The following RIC1 variants were observed in gnomAD, a reference collection of about 807,000 sequenced individuals.
RIC1 encodes the protein guanine nucleotide exchange factor subunit RIC1.
Under a neutral mutation model 169.0 loss-of-function variants are expected in RIC1, and 88 were observed. That is an observed-to-expected ratio of 0.52 (90% CI 0.44 to 0.62). The LOEUF is 0.62. RIC1 is among the 20% of genes least tolerant of loss of function. The pLI is 0.00. For missense variants in RIC1, 1,877 were observed against 1,725.5 expected, an observed-to-expected ratio of 1.09 and a Z score of -1.56; for synonymous variants, 790 against 601.5, an observed-to-expected ratio of 1.31 and a Z score of -4.59.
At chr9:5,726,325 A>T (rs36154376) in intron 6 of RIC1, among the ~76,000 whole-genome samples, 2,970 of 152,082 alleles carry the variant, frequency 0.02, 35 homozygotes, top group Non-Finnish European at 0.024. Context: ...CTTTGTCTCT[A>T]TTGATCTTTG....
intron 12 of RIC1, among the ~76,000 whole-genome samples, chr9:5,751,425 G>T (rs527449993): frequency 1.3e-5 from 2 of 151,774 alleles, no homozygotes; most frequent in African/African-American, 4.9e-5. Context: ...GTGCAATCTC[G>T]GCTCACTGCA....
intron 3 of RIC1, among the ~76,000 whole-genome samples, chr9:5,691,704 G>A (rs140783841): frequency 6.6e-6 from 1 of 151,882 alleles, no homozygotes; most frequent in East Asian, 1.9e-4. Context: ...AGATTTACTG[G>A]TGCATTTTAA....
downstream of RIC1, among the ~76,000 whole-genome samples, chr9:5,776,975 A>AAATGGAAACATAG (rs1327272588): frequency 6.6e-6 from 1 of 152,144 alleles, no homozygotes; most frequent in Admixed American, 6.5e-5. Flanking sequence ...CATTTCATAT[A>AAATGGAAACATAG]AATGGAAACA....
At chr9:5,639,219 A>G (rs1326909518) in intron 1 of RIC1, among the ~76,000 whole-genome samples, 4 of 152,034 alleles carry the variant, frequency 2.6e-5, no homozygotes, top group Non-Finnish European at 4.4e-5. Context: ...TTCTTCTTTT[A>G]TGGTGTAATA....
At position 5,765,425 on chromosome 9, in the gene RIC1, C is replaced by T. The variant is rs151024124; in HGVS notation, c.2853C>T (p.Val951=). 4 of 1,613,204 alleles carry T rather than the reference C, an allele frequency of 2.5e-6. No homozygotes were observed. The African/African-American group carries it at 4.0e-5, about 16-fold the overall frequency. ...SYLIILQNME[V]PAVSRQHATL... ...GTTGTTTTTTGTAGAATATGGAAGT[C>T]CCTGCAGTAAGTAGGCAACATGCTA... is the stretch of plus-strand genomic sequence containing the variant. Residue 951 remains valine (V), a synonymous_variant, in exon 20 of 26, where the codon GTC becomes GTT. Coordinates refer to ENST00000414202, the MANE Select transcript of RIC1 (RefSeq NM_020829.4).
chr9:5,630,604 T>C (rs1460428570), intron 1 of RIC1, among the ~76,000 whole-genome samples: 6 of 152,230 alleles, frequency 3.9e-5, no homozygotes, highest in African/African-American at 1.4e-4. Context: ...ACTGTCATAG[T>C]TGGGCTGTAA....
chr9:5,657,559 T>C lies in RIC1; in HGVS notation c.252+869T>C, dbSNP rs570279089. On this transcript the variant is annotated intron_variant, in intron 2 of 25. Coordinates refer to ENST00000414202, the MANE Select transcript of RIC1 (RefSeq NM_020829.4). ...CTTATCCAAGGTTACATGCGTAGTG[T>C]ATATTAGAGAGATAAGGTATAAACT... Among the ~76,000 whole-genome samples the C allele has an allele frequency of 2.6e-4, 40 of 152,276 alleles. 1 individual carries two copies. In the South Asian group the frequency reaches 8.3e-3, roughly 32 times the overall value.
At chr9:5,656,794 A>C (rs954709310) in intron 2 of RIC1, 104 bp downstream of exon 2, 17 of 663,944 alleles carry the variant, frequency 2.6e-5, no homozygotes, top group Non-Finnish European at 3.7e-5. Flanking sequence ...TGCACTCATA[A>C]GTATTTATTT....
At chr9:5,636,834 G>T (rs951476931) in intron 1 of RIC1, among the ~76,000 whole-genome samples, 1 of 151,882 alleles carries the variant, frequency 6.6e-6, no homozygotes, top group Non-Finnish European at 1.5e-5. Flanking sequence ...CGTAAGTTTT[G>T]CACTTATGCT....
chr9:5,773,818 C>T, intron 25 of RIC1, 140 bp from the exon 26 acceptor site: 1 of 750,516 alleles, frequency 1.3e-6, no homozygotes, highest in South Asian at 2.3e-5. Context: ...CCTTTCCTCC[C>T]TACCTTCTTT....
rs1275567083 is a variant in RIC1 at position 5,774,869 on chromosome 9, C to T, written c.*623C>T. 1 of 152,226 alleles carries T rather than the reference C, an allele frequency of 6.6e-6. No homozygotes were observed. Among genetic ancestry groups the T allele is most frequent in the Non-Finnish European group, 1.5e-5 (1 of 68,062 alleles). 9.4% of individuals were successfully genotyped at this position (152,226 alleles called of 1,614,324 possible). ...TGTGCTTGTTTTAGCAAGCTTGATT[C>T]CCATTAGACCAATGTGGGCAGAGGT... On this transcript the variant is annotated 3_prime_UTR_variant, in exon 26 of 26. Transcript: ENST00000414202.
chr9:5,746,142 T>C, intron 11 of RIC1, 59 bp downstream of exon 11: 1 of 1,361,296 alleles, frequency 7.3e-7, no homozygotes, highest in Non-Finnish European at 1.0e-6. Context: ...CTCAGACCCT[T>C]CTTTATGACA....
chr9:5,725,069 C>T (rs1238232321), intron 6 of RIC1, among the ~76,000 whole-genome samples: 1 of 152,172 alleles, frequency 6.6e-6, no homozygotes, highest in South Asian at 2.1e-4. Flanking sequence ...ATGCAGGCCT[C>T]ATAAAATGAG....
intron 3 of RIC1, among the ~76,000 whole-genome samples, chr9:5,705,930 T>C (rs1281753937): frequency 6.6e-6 from 1 of 152,236 alleles, no homozygotes; most frequent in Non-Finnish European, 1.5e-5. Flanking sequence ...ATTCTATTAA[T>C]ATGATTACAT....
At chr9:5,764,996 AT>A (rs1197917915) in intron 19 of RIC1, 2 of 155,724 alleles carry the variant, frequency 1.3e-5, no homozygotes, top group African/African-American at 4.8e-5. Context: ...TTCTAGTCAC[AT>A]CCTCAGAAAA....
Position 5,758,934 on chromosome 9 carries a change from A to G in RIC1, c.1992+1483A>G, listed in dbSNP as rs549320909. 1.1e-3 allele frequency among the ~76,000 whole-genome samples: 165 copies of G among 151,832 alleles called. 2 individuals carry two copies. The highest frequency in any genetic ancestry group is 3.7e-3 in the African/African-American group (153 of 41,436). On this transcript the variant is annotated intron_variant, in intron 17 of 25. Coordinates refer to ENST00000414202, the MANE Select transcript of RIC1 (RefSeq NM_020829.4). ...TAATTTTTGTATATTTAGTAGAGAC[A>G]GGGTTTCACCATGTTGGCCAGGATG...
In RIC1 at chr9:5,753,248, T is replaced by G. The variant is rs777942056; in HGVS notation, c.1491+10T>G. The G allele has an allele frequency of 2.0e-5, 33 of 1,613,134 alleles. No individual in the cohort carries two copies. The highest frequency in any genetic ancestry group is 2.7e-5 in the Non-Finnish European group (32 of 1,179,236). On this transcript the variant is annotated intron_variant, in intron 13 of 25. Coordinates refer to ENST00000414202, the MANE Select transcript of RIC1 (RefSeq NM_020829.4). ...CAATTGGCCTATACGGGTGAGTTGT[T>G]ATTTTGTTGGTGTTAACTTTTGTTG...
Position 5,774,243 on chromosome 9 carries a change from C to G in RIC1, c.4269C>G (p.Ser1423=). ...FQDGTYDCSV[S] The stretch of plus-strand genomic sequence containing the variant: ...ATGGGACTTACGACTGTTCTGTGTC[C>G]TAACAGTGAGGTTCCATCACAAAGG... The change falls in exon 26 of 26, where the codon TCC becomes TCG. Residue 1423 remains serine (S), a synonymous_variant. Transcript: ENST00000414202. 1.9e-6 allele frequency: 3 copies of G among 1,600,352 alleles called. No individual in the cohort carries two copies. The highest frequency in any genetic ancestry group is 1.1e-5 in the South Asian group (1 of 88,998).
chr9:5,735,685 G>C (rs916239043), intron 7 of RIC1, among the ~76,000 whole-genome samples: 5 of 152,220 alleles, frequency 3.3e-5, no homozygotes, highest in Non-Finnish European at 5.9e-5. Context: ...CTAGGTGATA[G>C]CTGGTGTCCT....
Sources: allele counts gnomAD v4.1 joint callset (sites outside exome capture counted in the v4.1 genomes callset), GRCh38; gene constraint gnomAD v4.1.1; transcripts MANE v1.5; gene names NCBI Gene and HGNC (gene_info 2026-07-23, HGNC 2026-07-21).